Variants in DEUP1 observed in about 807,000 individuals in gnomAD.
The protein encoded by DEUP1 is deuterosome assembly protein 1.
A neutral mutation model predicts 87.4 loss-of-function variants in DEUP1; 82 were observed. The ratio of observed to expected loss-of-function variants is 0.94; its 90% CI spans 0.78 to 1.13. DEUP1 has a LOEUF of 1.13. Among genes scored for constraint, DEUP1 ranks in the 50% most tolerant of loss-of-function variants. The pLI, the probability that DEUP1 is intolerant of heterozygous loss-of-function variation, is 0.00. For missense variants in DEUP1, 663 were observed against 681.5 expected (o/e 0.97, Z 0.30); for synonymous variants, 214 against 222.7 (o/e 0.96, Z 0.35).
chr11:93,408,125 T>A, intron 11 of DEUP1, 106 bp from the exon 12 acceptor site: 1 of 765,904 alleles, frequency 1.3e-6, no homozygotes, highest in South Asian at 2.2e-5. Context: ...CCACATCACT[T>A]GGCTCAAATG....
chr11:93,413,251 T>C (rs537352986), intron 12 of DEUP1, among the ~76,000 whole-genome samples: 31 of 151,268 alleles, frequency 2.0e-4, no homozygotes, highest in Admixed American at 1.7e-3. Context: ...ATTTTTTTTT[T>C]TTTTTTTTGA....
intron 2 of DEUP1, among the ~76,000 whole-genome samples, chr11:93,336,781 T>C (rs926760542): frequency 6.6e-6 from 1 of 152,184 alleles, no homozygotes; most frequent in Non-Finnish European, 1.5e-5. Flanking sequence ...CCTCCTGTTT[T>C]CAGGCTGACA....
At chr11:93,404,847 T>C (rs1947220676) in intron 11 of DEUP1, among the ~76,000 whole-genome samples, 1 of 151,956 alleles carries the variant, frequency 6.6e-6, no homozygotes, top group Admixed American at 6.6e-5. Context: ...TCATTAGAAA[T>C]GCATTTAAGA....
chr11:93,390,436 G>A (rs1481407856), intron 9 of DEUP1, among the ~76,000 whole-genome samples: 1 of 152,136 alleles, frequency 6.6e-6, no homozygotes, highest in Non-Finnish European at 1.5e-5. Context: ...GAGAAAAGGT[G>A]TTATGAATCA....
rs145135615 is a variant in DEUP1, at chr11:93,410,375, G to C, written c.1523+1948G>C. Among the ~76,000 whole-genome samples the C allele has an allele frequency of 1.3e-3, 205 of 152,288 alleles. 1 individual carries two copies. Among genetic ancestry groups the C allele is most frequent in the African/African-American group, 4.7e-3 (197 of 41,572 alleles). On this transcript the variant is annotated intron_variant, in intron 12 of 13. Coordinates refer to ENST00000298050, the MANE Select transcript of DEUP1 (RefSeq NM_181645.4). ...GGCATGGCCATGGACCAGTTCTCTG[G>C]TGAATGTGTCCATGTGAAGATCTGT...
rs115285346 is a variant in DEUP1 at position 93,354,463 on chromosome 11, G to A, written c.30-908G>A. Among the ~76,000 whole-genome samples the A allele has an allele frequency of 8.0e-3, 1,213 of 152,084 alleles. 15 individuals are homozygous for A. Among genetic ancestry groups the A allele is most frequent in the African/African-American group, 0.028 (1,168 of 41,474 alleles). ...AGTTCCAAAGTTGCTTCCACATTTC[G>A]GTTATCTTTTCAGCAACGCCCCACT... On this transcript the variant is annotated intron_variant, in intron 2 of 13. Transcript: ENST00000298050.
chr11:93,429,397 G>C (rs1234413015), intron 13 of DEUP1, among the ~76,000 whole-genome samples: 1 of 152,088 alleles, frequency 6.6e-6, no homozygotes, highest in Non-Finnish European at 1.5e-5. Context: ...ATAAAACTTT[G>C]ATCACTAAGG....
At chr11:93,388,976 A>T (rs1288804033) in intron 8 of DEUP1, 44 bp from the exon 9 acceptor site, 2 of 1,044,722 alleles carry the variant, frequency 1.9e-6, no homozygotes, top group East Asian at 2.6e-5. Flanking sequence ...ACAATTTATC[A>T]AGTTAAGCTT....
intron 13 of DEUP1, among the ~76,000 whole-genome samples, chr11:93,415,897 T>C (rs1240936196): frequency 6.6e-6 from 1 of 152,100 alleles, no homozygotes; most frequent in Non-Finnish European, 1.5e-5. Context: ...CATTCTACTA[T>C]GGATGGACAT....
At chr11:93,418,226 C>T (rs1168124484) in intron 13 of DEUP1, among the ~76,000 whole-genome samples, 1 of 152,026 alleles carries the variant, frequency 6.6e-6, no homozygotes, top group Non-Finnish European at 1.5e-5. Context: ...AAAGAAACTA[C>T]CATCAGAGCG....
rs538414692 is a variant in DEUP1 at position 93,415,049 on chromosome 11, C to T, written c.1573C>T (p.Pro525Ser). 2 of 1,607,282 alleles carry T rather than the reference C, an allele frequency of 1.2e-6. No individual in the cohort carries two copies. Among genetic ancestry groups the T allele is most frequent in the East Asian group, 2.2e-5 (1 of 44,784 alleles). ...PNRSTMPPLP[P>S]STFQAKEMTS... ...CAGAAGTACAATGCCTCCCTTGCCA[C>T]CTTCGACATTTCAAGCCAAAGAAAT... Residue 525 changes from proline to serine, a missense_variant, in exon 13 of 14, where the codon CCT becomes TCT. Physicochemically the swap from Pro to Ser is moderately conservative, Grantham distance 74. Coordinates refer to ENST00000298050, the MANE Select transcript of DEUP1 (RefSeq NM_181645.4).
chr11:93,435,672 C>G (rs1331629801), intron 13 of DEUP1, among the ~76,000 whole-genome samples: 1 of 152,156 alleles, frequency 6.6e-6, no homozygotes, highest in Non-Finnish European at 1.5e-5. Flanking sequence ...CTACACAGCT[C>G]TTTCTTTCCA....
At chr11:93,345,810 G>A (rs1449719468) in intron 2 of DEUP1, among the ~76,000 whole-genome samples, 1 of 152,064 alleles carries the variant, frequency 6.6e-6, no homozygotes, top group Non-Finnish European at 1.5e-5. Flanking sequence ...TAGGTTGTCT[G>A]TTTACCTCTG....
intron 11 of DEUP1, among the ~76,000 whole-genome samples, chr11:93,402,244 A>G (rs906906782): frequency 6.6e-6 from 1 of 152,068 alleles, no homozygotes; most frequent in Admixed American, 6.6e-5. Context: ...GCCAACAGGT[A>G]TATGAAAAAA....
intron 4 of DEUP1, 174 bp downstream of exon 4, chr11:93,357,217 T>G (rs1406069280): frequency 4.9e-5 from 25 of 510,008 alleles, no homozygotes; most frequent in Non-Finnish European, 7.6e-5. Context: ...CTTACTAGAT[T>G]GTTGTCTTGC....
chr11:93,383,602 G>T (rs147314431), intron 7 of DEUP1: 2 of 666,936 alleles, frequency 3.0e-6, no homozygotes, highest in Non-Finnish European at 5.5e-6. Context: ...TTAAATGGGC[G>T]AATTTATGGT....
chr11:93,372,918 C>A (rs1184907224), intron 7 of DEUP1, among the ~76,000 whole-genome samples: 1 of 152,186 alleles, frequency 6.6e-6, no homozygotes, highest in African/African-American at 2.4e-5. Context: ...TGCTTAGCAT[C>A]AGCCCACCTC....
At chr11:93,344,704 T>C (rs1944252120) in intron 2 of DEUP1, among the ~76,000 whole-genome samples, 1 of 152,178 alleles carries the variant, frequency 6.6e-6, no homozygotes, top group Non-Finnish European at 1.5e-5. Flanking sequence ...TTTCAAATTG[T>C]CCAAATATTT....
intron 13 of DEUP1, among the ~76,000 whole-genome samples, chr11:93,416,137 C>A (rs1387177913): frequency 2.0e-5 from 3 of 152,076 alleles, no homozygotes; most frequent in African/African-American, 7.2e-5. Context: ...TTGCTCAGAG[C>A]AAACACTTGC....
Sources: allele counts gnomAD v4.1 joint callset (sites outside exome capture counted in the v4.1 genomes callset), GRCh38; gene constraint gnomAD v4.1.1; transcripts MANE v1.5; gene names NCBI Gene and HGNC (gene_info 2026-07-23, HGNC 2026-07-21).